Variants in SPEF2 observed in about 807,000 individuals in gnomAD.
SPEF2 encodes sperm flagella and cilia-associated protein 2.
In SPEF2, 187 loss-of-function variants were observed where a neutral mutation model predicts 224.6. The observed-to-expected ratio is 0.83, with a 90% CI of 0.74 to 0.94. The LOEUF is 0.94. Ranked by LOEUF, SPEF2 falls within the 40% of genes least tolerant of loss-of-function variation. SPEF2 has a pLI of 0.00. For synonymous variants in SPEF2, 715 were observed against 707.3 expected (o/e 1.01, Z -0.17); for missense variants, 2,170 against 2,135.6 (o/e 1.02, Z -0.32).
rs774877646 is a variant in SPEF2, at chr5:35,654,602, C to T, written c.854C>T (p.Ser285Leu). The T allele has an allele frequency of 1.2e-6, 2 of 1,613,262 alleles. No homozygotes were observed. The highest frequency in any genetic ancestry group is 1.7e-6 in the Non-Finnish European group (2 of 1,179,786). Residue 285 changes from serine to leucine, a missense_variant, in exon 7 of 37, where the codon TCA becomes TTA. Physicochemically the swap from Ser to Leu is moderately radical, Grantham distance 145. Coordinates refer to ENST00000356031, the MANE Select transcript of SPEF2 (RefSeq NM_024867.4). ...QTTTDLLNTY[S>L]DDEYIKKIQK... ...ACCACCGATTTGTTAAATACTTACT[C>T]AGATGACGAGTACATTAAAAAAATC...
chr5:35,715,838 CAG>C (rs1358958316), intron 20 of SPEF2, among the ~76,000 whole-genome samples: 2 of 17,584 alleles, frequency 1.1e-4, no homozygotes, highest in Non-Finnish European at 3.8e-4. Flanking sequence ...TTTTTTGAGA[CAG>C]AGTCTTGCTC....
At position 35,667,235 on chromosome 5, in the gene SPEF2, C is replaced by T; in HGVS notation, c.1331C>T (p.Ala444Val). The change falls in exon 9 of 37, where the codon GCA becomes GTA. Residue 444 changes from alanine (A) to valine (V), a missense_variant. Ala to Val is a moderately conservative substitution (Grantham distance 64). Transcript: ENST00000356031. ...DQIVDLSTKV[A>V]DYRMLTNNLI... is the part of the protein sequence containing the mutation. Reference sequence around the variant, plus strand: ...ATAGTTGATTTGTCCACTAAAGTGGCAGACTATCGAATGTTGACAAATAAG... The same window carrying T: ...ATAGTTGATTTGTCCACTAAAGTGGTAGACTATCGAATGTTGACAAATAAG... 6.2e-7 allele frequency: 1 copy of T among 1,601,832 alleles called. No homozygotes were observed. The highest frequency in any genetic ancestry group is 1.1e-5 in the South Asian group (1 of 88,574).
At chr5:35,680,889 G>A (rs1242349913) in intron 10 of SPEF2, among the ~76,000 whole-genome samples, 1 of 152,172 alleles carries the variant, frequency 6.6e-6, no homozygotes, top group Non-Finnish European at 1.5e-5. Flanking sequence ...GTCACTTCCA[G>A]CATCCAGACT....
At chr5:35,752,581 G>A (rs1347582360) in intron 23 of SPEF2, among the ~76,000 whole-genome samples, 4 of 3,656 alleles carry the variant, frequency 1.1e-3, no homozygotes, top group Admixed American at 9.3e-3. Context: ...ATAAGCATGA[G>A]CCACTGTGCC....
rs1299872007 is a variant in SPEF2 at position 35,700,606 on chromosome 5, T to C, written c.2252T>C (p.Val751Ala). 6.2e-6 allele frequency: 10 copies of C among 1,613,590 alleles called. No homozygotes were observed. The highest frequency in any genetic ancestry group is 4.0e-5 in the African/African-American group (3 of 74,824). The change falls in exon 16 of 37, where the codon GTG (valine) becomes GCG (alanine). Residue 751 changes from valine to alanine, a missense_variant. Transcript: ENST00000356031. ...LTGCNRNLTE[V>A]ERKKAQKSTL... is the part of the protein sequence containing the mutation. The stretch of plus-strand genomic sequence containing the variant: ...GGCTGCAATAGAAACCTCACAGAAG[T>C]GGAAAGAAAAAAAGCACAAAAATCC...
chr5:35,766,820 CTAATA>C (rs937499460), intron 26 of SPEF2, among the ~76,000 whole-genome samples: 1 of 151,792 alleles, frequency 6.6e-6, no homozygotes, highest in African/African-American at 2.4e-5. Flanking sequence ...CTCAAAGTTT[CTAATA>C]TGTTACTTTT....
intron 26 of SPEF2, among the ~76,000 whole-genome samples, chr5:35,769,998 T>C (rs1232929797): frequency 4.4e-5 from 6 of 137,036 alleles, no homozygotes; most frequent in African/African-American, 1.9e-4. Flanking sequence ...AATGTGTGTG[T>C]GTGTGTGTGT....
At chr5:35,730,274 A>G (rs934866817) in intron 21 of SPEF2, among the ~76,000 whole-genome samples, 4 of 152,246 alleles carry the variant, frequency 2.6e-5, no homozygotes, top group African/African-American at 9.6e-5. Context: ...GTGCAGAGAG[A>G]ACGCAGAAGG....
intron 2 of SPEF2, among the ~76,000 whole-genome samples, chr5:35,629,151 CTTTTTTTTT>C (rs768077049): frequency 3.4e-5 from 3 of 88,342 alleles, no homozygotes; most frequent in Non-Finnish European, 4.2e-5. Flanking sequence ...TCGATTGTTC[CTTTTTTTTT>C]TTTTTTTTTT....
chr5:35,798,501 C>T (rs1206139735), intron 33 of SPEF2, among the ~76,000 whole-genome samples: 1 of 152,174 alleles, frequency 6.6e-6, no homozygotes, highest in Non-Finnish European at 1.5e-5. Context: ...AACTTAATCT[C>T]AATCTTGCTG....
intron 24 of SPEF2, 70 bp downstream of exon 24, chr5:35,753,831 C>G: frequency 6.3e-7 from 1 of 1,586,278 alleles, no homozygotes; most frequent in East Asian, 2.2e-5. Context: ...CTTCATATGA[C>G]ACTTTCTTGG....
chr5:35,618,048 G>C lies in SPEF2; in HGVS notation c.51G>C (p.Arg17=). The change falls in exon 1 of 37, where the codon CGG becomes CGC. Residue 17 remains arginine, a synonymous_variant. Transcript: ENST00000356031. ...TCAACAAGGAGTTGAAGGTGTCCCG[G>C]ACCGTGAGTGAGTGACCACGGCCAG... ...QWLNKELKVS[R]TVSPKSFAKA... is the part of the protein sequence containing the mutation. The C allele has an allele frequency of 6.3e-7, 1 of 1,584,022 alleles. No homozygotes were observed. Among genetic ancestry groups the C allele is most frequent in the Non-Finnish European group, 8.6e-7 (1 of 1,162,490 alleles).
At chr5:35,646,636 A>G (rs775343932) in intron 4 of SPEF2, 31 bp from the exon 5 acceptor site, 2 of 1,598,022 alleles carry the variant, frequency 1.3e-6, no homozygotes, top group African/African-American at 1.4e-5. Context: ...GTTATTCTGA[A>G]TCACTAAACT....
chr5:35,713,498 G>A (rs10066144), intron 20 of SPEF2, among the ~76,000 whole-genome samples: 113,685 of 151,252 alleles, frequency 0.75, 43,081 homozygotes, highest in Middle Eastern at 0.83. Context: ...CAGTTTGGGA[G>A]GCTGAGGTGG....
chr5:35,638,325 T>C (rs1344900720), intron 2 of SPEF2, among the ~76,000 whole-genome samples: 2 of 152,010 alleles, frequency 1.3e-5, no homozygotes, highest in African/African-American at 4.8e-5. Context: ...AGTCTCTCTG[T>C]TGCTCTCAAG....
intron 2 of SPEF2, among the ~76,000 whole-genome samples, chr5:35,634,154 T>G (rs780409741): frequency 6.6e-6 from 1 of 152,132 alleles, no homozygotes; most frequent in Non-Finnish European, 1.5e-5. Flanking sequence ...CTGTATATTG[T>G]CCTTTCATTT....
intron 3 of SPEF2, 107 bp downstream of exon 3, chr5:35,641,790 C>T (rs2149402525): frequency 8.4e-7 from 1 of 1,185,924 alleles, no homozygotes; most frequent in East Asian, 2.4e-5. Flanking sequence ...CATATATATC[C>T]TTTATGTATG....
At chr5:35,763,482 G>T in intron 25 of SPEF2, 40 bp from the exon 26 acceptor site, 1 of 1,498,872 alleles carries the variant, frequency 6.7e-7, no homozygotes, top group South Asian at 1.4e-5. Context: ...ATTTTGTTAA[G>T]CAAAATTTTT....
At chr5:35,814,034 G>T (rs1003145965) in intron 36 of SPEF2, among the ~76,000 whole-genome samples, 9 of 152,176 alleles carry the variant, frequency 5.9e-5, no homozygotes, top group African/African-American at 2.2e-4. Context: ...TTTCAGGAAA[G>T]TAATCTTTTG....
Sources: allele counts gnomAD v4.1 joint callset (sites outside exome capture counted in the v4.1 genomes callset), GRCh38; gene constraint gnomAD v4.1.1; transcripts MANE v1.5; gene names NCBI Gene and HGNC (gene_info 2026-07-23, HGNC 2026-07-21).